Variants in CD209 observed in about 807,000 individuals in gnomAD.
CD209 encodes CD209 molecule.
Under a neutral mutation model 44.7 loss-of-function variants are expected in CD209, and 31 were observed. The observed-to-expected ratio is 0.69, with a 90% CI of 0.52 to 0.94. The LOEUF (loss-of-function observed/expected upper bound fraction) is 0.94, where lower values mean the gene tolerates loss of function less well. Ranked by LOEUF, CD209 falls within the 40% of genes least tolerant of loss-of-function variation. CD209 has a pLI of 0.00. For missense variants in CD209, 407 were observed against 452.4 expected (o/e 0.90, Z 0.91); for synonymous variants, 173 against 181.3 (o/e 0.95, Z 0.37).
Position 7,745,037 on chromosome 19 carries a change from G to T in CD209, c.804C>A (p.Tyr268Ter), listed in dbSNP as rs1277468239. 1.2e-6 allele frequency: 2 copies of T among 1,614,220 alleles called. No homozygotes were observed. The highest frequency in any genetic ancestry group is 1.7e-6 in the Non-Finnish European group (2 of 1,180,048). Residue 268 changes from tyrosine to a stop codon, truncating the protein, a stop_gained, in exon 5 of 7, where the codon TAC becomes TAA. Coordinates refer to ENST00000315599, the MANE Select transcript of CD209 (RefSeq NM_021155.4). LOFTEE classifies it high-confidence loss of function. The part of the protein sequence containing the change: ...WEWTFFQGNC[Y>*]FMSNSQRNWH... ...AGTTCCGCTGGGAGTTAGACATGAA[G>T]TAACAGTTTCCTTGGAAGAATGTCC... is the stretch of plus-strand genomic sequence containing the variant.
intron 5 of CD209, 35 bp from the exon 6 acceptor site, chr19:7,744,254 G>T (rs759950332): frequency 1.3e-6 from 2 of 1,491,820 alleles, no homozygotes; most frequent in Admixed American, 1.7e-5. Flanking sequence ...AGGGAGCTCT[G>T]CTTCCCATTT....
In CD209 at chr19:7,747,301, T is replaced by C; in HGVS notation, c.106+5A>G. The C allele has an allele frequency of 6.2e-7, 1 of 1,614,220 alleles. No individual in the cohort carries two copies. Among genetic ancestry groups the C allele is most frequent in the Non-Finnish European group, 8.5e-7 (1 of 1,180,032 alleles). Reference sequence around the variant, plus strand: ...TCTCCTCCCAAACTGCTAAGTCCTCTCTACCTGCTAAGCTCTTGTATCCTC... The same window carrying C: ...TCTCCTCCCAAACTGCTAAGTCCTCCCTACCTGCTAAGCTCTTGTATCCTC... On this transcript the variant is annotated splice_donor_5th_base_variant and intron_variant, in intron 2 of 6. Transcript: ENST00000315599.
chr19:7,744,888 A>C (rs2033748015), intron 5 of CD209, 53 bp downstream of exon 5: 24 of 1,602,238 alleles, frequency 1.5e-5, no homozygotes, highest in Non-Finnish European at 2.0e-5. Context: ...CCTCCTCCCC[A>C]GTTGGCCAGA....
Position 7,740,639 on chromosome 19 carries a change from A to T in CD209, c.*2400T>A. On this transcript the variant is annotated 3_prime_UTR_variant, in exon 7 of 7. Transcript: ENST00000315599. The stretch of plus-strand genomic sequence containing the variant: ...AACAACAACTAGAAAAGCTATGGGG[A>T]AGAGAGAGGCAAAGATTACATGAGG... 1 of 783,122 alleles carries T rather than the reference A, an allele frequency of 1.3e-6. No individual in the cohort carries two copies. The highest frequency in any genetic ancestry group is 1.3e-5 in the South Asian group (1 of 74,288). 48.5% of individuals were successfully genotyped at this position (783,122 alleles called of 1,614,324 possible).
Position 7,746,058 on chromosome 19 carries a change from C to T in CD209, c.208G>A (p.Glu70Lys), listed in dbSNP as rs556776334. 6.2e-7 allele frequency: 1 copy of T among 1,614,236 alleles called. No individual in the cohort carries two copies. Among genetic ancestry groups the T allele is most frequent in the South Asian group, 1.1e-5 (1 of 91,086 alleles). Residue 70 changes from glutamate to lysine, a missense_variant, in exon 4 of 7, where the codon GAA becomes AAA. Glu to Lys is a moderately conservative substitution (Grantham distance 56). Coordinates refer to ENST00000315599, the MANE Select transcript of CD209 (RefSeq NM_021155.4). The part of the protein sequence containing the change: ...VSKVPSSISQ[E>K]QSRQDAIYQN... ...TAGATCGCGTCTTGCCTGGATTGTT[C>T]CTGACTTATGGAGCTGGGGACCTTG...
intron 3 of CD209, 55 bp downstream of exon 3, chr19:7,746,405 T>C: frequency 6.4e-7 from 1 of 1,564,910 alleles, no homozygotes; most frequent in Non-Finnish European, 8.8e-7. Flanking sequence ...CCAGGCTGTG[T>C]CCACAGCCAA....
Position 7,745,090 on chromosome 19 carries a change from G to C in CD209, c.751C>G (p.Arg251Gly), listed in dbSNP as rs149776499. The C allele has an allele frequency of 8.1e-6, 13 of 1,614,188 alleles. No homozygotes were observed. In the South Asian group the frequency reaches 1.4e-4, roughly 18 times the overall value. Reference sequence around the variant, plus strand: ...TCCCAGGGACAGGGGTGGCACAGGCGTTCTGTTGGGGGAGGCTGGTCAGGG... The same window carrying C: ...TCCCAGGGACAGGGGTGGCACAGGCCTTCTGTTGGGGGAGGCTGGTCAGGG... ...ELTQLKAAVE[R>G]LCHPCPWEWT... Residue 251 changes from arginine (R) to glycine (G), a missense_variant and splice_region_variant, in exon 5 of 7, where the codon CGC (arginine) becomes GGC (glycine). Transcript: ENST00000315599.
rs1568506079 is a variant in CD209 at position 7,741,169 on chromosome 19, G to A, written c.*1870C>T. On this transcript the variant is annotated 3_prime_UTR_variant, in exon 7 of 7. Transcript: ENST00000315599. ...AGATTTCTGTGAGGATGTGCTGCCC[G>A]AGTTCAAGAACGTGGGGAGAGACTG... is the stretch of plus-strand genomic sequence containing the variant. 1 of 992,158 alleles carries A rather than the reference G, an allele frequency of 1.0e-6. No individual in the cohort carries two copies. Among genetic ancestry groups the A allele is most frequent in the East Asian group, 2.7e-5 (1 of 36,932 alleles). 61.5% of individuals were successfully genotyped at this position (992,158 alleles called of 1,614,324 possible).
chr19:7,745,373 G>A, intron 4 of CD209, 145 bp downstream of exon 4: 2 of 1,489,132 alleles, frequency 1.3e-6, no homozygotes, highest in Admixed American at 1.9e-5. Context: ...GGCCCACTGT[G>A]AACACTGAGG....
At position 7,741,209 on chromosome 19, in the gene CD209, G is replaced by T; in HGVS notation, c.*1830C>A. The T allele has an allele frequency of 1.4e-6, 1 of 698,370 alleles. No homozygotes were observed. The highest frequency in any genetic ancestry group is 3.1e-5 in the East Asian group (1 of 32,300). The allele number at this position is 698,370 out of a possible 1,614,324, so 43.3% of individuals were successfully genotyped here. A position where few individuals can be genotyped will look rare whatever the true frequency, so the allele number is the denominator to read the frequency against. The stretch of plus-strand genomic sequence containing the variant: ...GGGAGAGACTGGGCGCGGTGGCTCA[G>T]GCCTGTAATCCCAGCACTTTGGGAG... On this transcript the variant is annotated 3_prime_UTR_variant, in exon 7 of 7. Transcript: ENST00000315599.
At position 7,742,187 on chromosome 19, in the gene CD209, G is replaced by T; in HGVS notation, c.*852C>A. On this transcript the variant is annotated 3_prime_UTR_variant, in exon 7 of 7. Coordinates refer to ENST00000315599, the MANE Select transcript of CD209 (RefSeq NM_021155.4). ...AAAAAATAATAGGCCAGGCGCGGTG[G>T]CTCACACCTGTAATCCCAGCAATTT... is the stretch of plus-strand genomic sequence containing the variant. The T allele has an allele frequency of 6.0e-6, 1 of 167,666 alleles. No homozygotes were observed. The allele number at this position is 167,666 out of a possible 1,614,324, so 10.4% of individuals were successfully genotyped here. A position where few individuals can be genotyped will look rare whatever the true frequency, so the allele number is the denominator to read the frequency against.
At chr19:7,745,239 T>C in intron 4 of CD209, 147 bp from the exon 5 acceptor site, 1 of 1,184,164 alleles carries the variant, frequency 8.4e-7, no homozygotes, top group Non-Finnish European at 1.2e-6. Flanking sequence ...CCCGAGACCC[T>C]CCCCCATCCC....
chr19:7,746,908 C>T (rs1202453372), intron 2 of CD209, among the ~76,000 whole-genome samples: 1 of 151,358 alleles, frequency 6.6e-6, no homozygotes, highest in Non-Finnish European at 1.5e-5. Context: ...CTGCTCCCAC[C>T]TCCCCAAGAC....
At chr19:7,743,545 G>A (rs887029712) in intron 6 of CD209, among the ~76,000 whole-genome samples, 3 of 152,104 alleles carry the variant, frequency 2.0e-5, no homozygotes, top group African/African-American at 7.2e-5. Flanking sequence ...CCACTATCCT[G>A]TACTAATCAC....
In CD209 at chr19:7,742,932, C is replaced by T. The variant is rs769389103; in HGVS notation, c.*107G>A. 6 of 941,864 alleles carry T rather than the reference C, an allele frequency of 6.4e-6. No individual in the cohort carries two copies. The highest frequency in any genetic ancestry group is 4.4e-5 in the South Asian group (3 of 67,914). 58.3% of individuals were successfully genotyped at this position (941,864 alleles called of 1,614,324 possible). On this transcript the variant is annotated 3_prime_UTR_variant, in exon 7 of 7. Coordinates refer to ENST00000315599, the MANE Select transcript of CD209 (RefSeq NM_021155.4). ...CATGACAAGAAGGACAGAATGGGAC[C>T]CAGCCTTCTAAAGGAGGAAGAATCT...
At position 7,742,804 on chromosome 19, in the gene CD209, CT is replaced by C; in HGVS notation, c.*234del. The C allele has an allele frequency of 1.7e-6, 1 of 578,698 alleles. No homozygotes were observed. The highest frequency in any genetic ancestry group is 3.1e-6 in the Non-Finnish European group (1 of 324,288). 35.8% of individuals were successfully genotyped at this position (578,698 alleles called of 1,614,324 possible). The stretch of plus-strand genomic sequence containing the variant: ...CTCCAAAAGGAAGAGAGAGTGGATT[CT>C]TGGAACACAAGTCCACCCCCAAAGG... On this transcript the variant is annotated 3_prime_UTR_variant, in exon 7 of 7. Coordinates refer to ENST00000315599, the MANE Select transcript of CD209 (RefSeq NM_021155.4).
At position 7,745,015 on chromosome 19, in the gene CD209, T is replaced by G; in HGVS notation, c.826A>C (p.Asn276His). ...CAGGCGGTGATGGAGTCGTGCCAGT[T>G]CCGCTGGGAGTTAGACATGAAGTAA... is the stretch of plus-strand genomic sequence containing the variant. ...NCYFMSNSQR[N>H]WHDSITACKE... Residue 276 changes from asparagine (N) to histidine (H), a missense_variant, in exon 5 of 7, where the codon AAC becomes CAC. By Grantham distance (68) the Asn-to-His change is moderately conservative. This residue lies in a region of CD209 where 200 missense variants were observed against 202.2 expected (regional missense o/e 0.99). Coordinates refer to ENST00000315599, the MANE Select transcript of CD209 (RefSeq NM_021155.4). 1 of 1,614,188 alleles carries G rather than the reference T, an allele frequency of 6.2e-7. No homozygotes were observed.
Position 7,741,159 on chromosome 19 carries a change from T to C in CD209, c.*1880A>G. Reference sequence around the variant, plus strand: ...AACAGTTCCTAGATTTCTGTGAGGATGTGCTGCCCGAGTTCAAGAACGTGG... The same window carrying C: ...AACAGTTCCTAGATTTCTGTGAGGACGTGCTGCCCGAGTTCAAGAACGTGG... On this transcript the variant is annotated 3_prime_UTR_variant, in exon 7 of 7. Transcript: ENST00000315599. 9.7e-7 allele frequency: 1 copy of C among 1,032,256 alleles called. No individual in the cohort carries two copies. The highest frequency in any genetic ancestry group is 1.4e-6 in the Non-Finnish European group (1 of 706,244). 63.9% of individuals were successfully genotyped at this position (1,032,256 alleles called of 1,614,324 possible). A position where few individuals can be genotyped will look rare whatever the true frequency, so the allele number is the denominator to read the frequency against.
At chr19:7,744,250 C>T in intron 5 of CD209, 31 bp from the exon 6 acceptor site, 2 of 1,506,812 alleles carry the variant, frequency 1.3e-6, no homozygotes, top group Non-Finnish European at 1.8e-6. Flanking sequence ...CAGGAGGGAG[C>T]TCTGCTTCCC....
Sources: allele counts gnomAD v4.1 joint callset (sites outside exome capture counted in the v4.1 genomes callset), GRCh38; gene constraint gnomAD v4.1.1; regional missense constraint gnomAD v4.1.1; transcripts MANE v1.5; gene names NCBI Gene and HGNC (gene_info 2026-07-23, HGNC 2026-07-21).